Variants in MROH1 observed in about 807,000 individuals in gnomAD.
MROH1 encodes the protein maestro heat like repeat family member 1, also known as maestro heat-like repeat-containing protein family member 1.
Under a neutral mutation model 116.5 loss-of-function variants are expected in MROH1, and 117 were observed. The observed-to-expected ratio is 1.00, with a 90% confidence interval of 0.86 to 1.17. MROH1 has a LOEUF of 1.17. MROH1 is among the 50% of genes most tolerant of loss of function. The probability of loss-of-function intolerance (pLI) is 0.00; values close to 1 mark genes in which losing one functional copy is unlikely to be tolerated. For missense variants in MROH1, 1,873 were observed against 1,338.5 expected, an observed-to-expected ratio of 1.40 and a Z score of -6.23; for synonymous variants, 921 against 583.9, an observed-to-expected ratio of 1.58 and a Z score of -8.32.
chr8:144,258,801 C>A lies in MROH1; in HGVS notation c.3816C>A (p.Ser1272=). ...GCTCTGCAGTGGACACCCTGCGGTC[C>A]ATGCTACTCCGCAGCGGCAGCGAGG... The part of the protein sequence containing the change: ...PCSSAVDTLR[S]MLLRSGSEDV... Residue 1272 remains serine (S), a synonymous_variant, in exon 36 of 44, where the codon TCC becomes TCA. Transcript: ENST00000326134. 1.3e-6 allele frequency: 1 copy of A among 768,480 alleles called. No homozygotes were observed. The highest frequency in any genetic ancestry group is 2.5e-5 in the East Asian group (1 of 40,800). 47.6% of individuals were successfully genotyped at this position (768,480 alleles called of 1,614,324 possible).
chr8:144,250,591 G>A, intron 33 of MROH1: 1 of 629,884 alleles, frequency 1.6e-6, no homozygotes, highest in Non-Finnish European at 2.9e-6. Context: ...ACTGGCTCCG[G>A]TGGGCCCTGC....
At chr8:144,212,422 G>C (rs1248602830) in intron 12 of MROH1, among the ~76,000 whole-genome samples, 3 of 151,804 alleles carry the variant, frequency 2.0e-5, no homozygotes, top group Non-Finnish European at 2.9e-5. Context: ...TGTTTCTGGA[G>C]GGCTCATTAC....
chr8:144,231,580 G>A (rs9720889), intron 14 of MROH1, among the ~76,000 whole-genome samples: 84,921 of 152,024 alleles, frequency 0.56, 23,986 homozygotes, highest in East Asian at 0.72. Context: ...CCCAACATTC[G>A]TTGATTAAGC....
intron 10 of MROH1, among the ~76,000 whole-genome samples, chr8:144,198,047 CAA>C (rs11366876): frequency 1.2e-3 from 142 of 116,810 alleles, no homozygotes; most frequent in East Asian, 1.7e-3. Context: ...AAAACTGTTT[CAA>C]AAAAAAAAAA....
chr8:144,191,028 G>A, intron 8 of MROH1, 93 bp downstream of exon 8: 1 of 1,428,970 alleles, frequency 7.0e-7, no homozygotes, highest in Non-Finnish European at 9.4e-7. Flanking sequence ...GAGGGTGGTG[G>A]TGTTGCATTG....
chr8:144,171,941 C>T lies in MROH1; in HGVS notation c.168+3501C>T, dbSNP rs1184442318. ...GACAGAAAGGAGATTGGACATACCT[C>T]GTTATACCTGCTCCCTTTTGGAGTT... On this transcript the variant is annotated intron_variant, in intron 4 of 43. Coordinates refer to ENST00000326134, the MANE Select transcript of MROH1 (RefSeq NM_032450.3). 2.6e-5 allele frequency among the ~76,000 whole-genome samples: 4 copies of T among 152,148 alleles called. No homozygotes were observed. In the East Asian group the frequency reaches 5.8e-4, roughly 22 times the overall value.
chr8:144,204,383 A>G (rs1320507650), intron 12 of MROH1, among the ~76,000 whole-genome samples: 2 of 152,232 alleles, frequency 1.3e-5, no homozygotes, highest in African/African-American at 4.8e-5. Context: ...AAGTGCTGGG[A>G]TTACAGAAGT....
chr8:144,221,788 C>T (rs1836800624), intron 13 of MROH1, among the ~76,000 whole-genome samples: 2 of 152,162 alleles, frequency 1.3e-5, no homozygotes, highest in African/African-American at 4.8e-5. Flanking sequence ...CCTCCACACC[C>T]ACCCTGTTCT....
intron 3 of MROH1, among the ~76,000 whole-genome samples, chr8:144,166,195 T>C (rs1820790926): frequency 6.6e-6 from 1 of 152,210 alleles, no homozygotes; most frequent in African/African-American, 2.4e-5. Context: ...AGCATTTTTA[T>C]AAGGCTCTGA....
chr8:144,249,174 A>G lies in MROH1; in HGVS notation c.3273+145A>G, dbSNP rs1842422906. On this transcript the variant is annotated intron_variant, in intron 32 of 43. Coordinates refer to ENST00000326134, the MANE Select transcript of MROH1 (RefSeq NM_032450.3). ...TGAGGCTGGCCCTGGCCTGTCCTGG[A>G]CCACCCTGCCCAGCCCTCCTCGGGT... 2.0e-5 allele frequency: 13 copies of G among 658,360 alleles called. No homozygotes were observed. In the South Asian group the frequency reaches 2.2e-4, roughly 11 times the overall value. The allele number at this position is 658,360 out of a possible 1,614,324, so 40.8% of individuals were successfully genotyped here.
chr8:144,254,761 C>G (rs1371931336), intron 33 of MROH1, 52 bp from the exon 34 acceptor site: 1 of 733,664 alleles, frequency 1.4e-6, no homozygotes. Flanking sequence ...TGGCGGGGGG[C>G]AGGCGCCCTG....
intron 13 of MROH1, 133 bp downstream of exon 13, chr8:144,220,806 G>A (rs1836553772): frequency 2.8e-6 from 2 of 715,696 alleles, no homozygotes; most frequent in African/African-American, 3.5e-5. Context: ...TGGGAACAAA[G>A]GATGACAGTG....
In MROH1 at chr8:144,260,218, C is replaced by T. The variant is rs1554835036; in HGVS notation, c.4224C>T (p.Ala1408=). The stretch of plus-strand genomic sequence containing the variant: ...CCCACGGCCCCCAGCTCCTCACAGC[C>T]ATGATTGGCGGGCTGGACGACGGGG... ...VRTHGPQLLT[A]MIGGLDDGDN... Residue 1408 remains alanine, a synonymous_variant, in exon 39 of 44, where the codon GCC becomes GCT. Transcript: ENST00000326134. 5.2e-6 allele frequency: 4 copies of T among 765,832 alleles called. No homozygotes were observed. The East Asian group carries it at 7.3e-5, about 14-fold the overall frequency. 47.4% of individuals were successfully genotyped at this position (765,832 alleles called of 1,614,324 possible).
intron 12 of MROH1, among the ~76,000 whole-genome samples, chr8:144,215,903 C>T (rs1432132085): frequency 5.4e-5 from 8 of 149,382 alleles, no homozygotes; most frequent in African/African-American, 1.7e-4. Context: ...TAATGAAACA[C>T]GGGCTGGGTG....
intron 14 of MROH1, among the ~76,000 whole-genome samples, chr8:144,233,065 A>G (rs1839251903): frequency 6.6e-6 from 1 of 151,422 alleles, no homozygotes; most frequent in African/African-American, 2.4e-5. Flanking sequence ...CCTGGGCTCA[A>G]GAAGTCTTTC....
intron 7 of MROH1, among the ~76,000 whole-genome samples, chr8:144,186,041 G>A (rs1041326792): frequency 5.9e-5 from 9 of 152,216 alleles, no homozygotes; most frequent in East Asian, 1.9e-4. Flanking sequence ...GCAGTGCTCC[G>A]TGGGCTCCGC....
intron 12 of MROH1, among the ~76,000 whole-genome samples, chr8:144,220,327 C>T (rs1301930882): frequency 6.6e-6 from 1 of 152,186 alleles, no homozygotes; most frequent in South Asian, 2.1e-4. Context: ...GGAACTTCCC[C>T]GGCGTTGGAA....
At chr8:144,240,753 C>G in intron 20 of MROH1, 76 bp downstream of exon 20, 1 of 701,776 alleles carries the variant, frequency 1.4e-6, no homozygotes, top group South Asian at 1.5e-5. Context: ...CACTTGCTGT[C>G]TGGGCCCTGT....
chr8:144,209,020 G>A (rs6558323), intron 12 of MROH1, among the ~76,000 whole-genome samples: 8,737 of 146,572 alleles, frequency 0.06, 916 homozygotes, highest in African/African-American at 0.22. Context: ...CAATGCACTC[G>A]GCCATTTTGT....
Sources: gnomAD v4.1 joint callset for allele counts (sites outside exome capture counted in the v4.1 genomes callset) on GRCh38, gnomAD v4.1.1 for gene constraint, MANE v1.5 for transcripts, NCBI Gene and HGNC (gene_info 2026-07-23, HGNC 2026-07-21) for gene names.